The following FMN1 variants were observed in gnomAD, a reference collection of about 807,000 sequenced individuals.
FMN1 encodes the protein formin 1.
FMN1 carries 110 observed loss-of-function variants against 132.4 expected under a neutral mutation model. That is an observed-to-expected ratio of 0.83 (90% CI 0.71 to 0.97). The LOEUF is 0.97. Among genes scored for constraint, FMN1 ranks in the 50% least tolerant of loss-of-function variants. The pLI, the probability that FMN1 is intolerant of heterozygous loss-of-function variation, is 0.00. For missense variants in FMN1, 1,792 were observed against 1,705.3 expected, an observed-to-expected ratio of 1.05 and a Z score of -0.90; for synonymous variants, 722 against 651.7, an observed-to-expected ratio of 1.11 and a Z score of -1.64.
intron 9 of FMN1, among the ~76,000 whole-genome samples, chr15:32,945,679 A>C (rs1348396588): frequency 2.0e-5 from 3 of 152,134 alleles, no homozygotes; most frequent in Non-Finnish European, 4.4e-5. Flanking sequence ...CATTGCATTC[A>C]AGATATCAGA....
chr15:33,089,660 A>C (rs890179284), intron 4 of FMN1, among the ~76,000 whole-genome samples: 3 of 152,208 alleles, frequency 2.0e-5, no homozygotes, highest in Non-Finnish European at 4.4e-5. Flanking sequence ...TAGTGTTCTC[A>C]TTTTAAATGG....
chr15:33,151,120 C>T (rs969445611), intron 4 of FMN1: 2 of 1,409,094 alleles, frequency 1.4e-6, no homozygotes, highest in Non-Finnish European at 1.8e-6. Context: ...GGGAACTAGA[C>T]AGAGGATACA....
At chr15:32,828,931 T>C (rs762200284) in intron 17 of FMN1, among the ~76,000 whole-genome samples, 3 of 152,212 alleles carry the variant, frequency 2.0e-5, no homozygotes, top group Non-Finnish European at 4.4e-5. Context: ...TCCTGGTAGA[T>C]GACCTAAGGC....
In FMN1 at chr15:32,944,790, G is replaced by T. The variant is rs1007818908; in HGVS notation, c.3139-18529C>A. Among the ~76,000 whole-genome samples the T allele has an allele frequency of 3.9e-5, 6 of 152,222 alleles. 1 individual carries two copies. The East Asian group carries it at 1.2e-3, about 29-fold the overall frequency. The stretch of plus-strand genomic sequence containing the variant: ...CAGTGTGGGGGTGTGATGGGTTGGA[G>T]GGGGGAGGGTAGGGCTGTGGGCAGA... On this transcript the variant is annotated intron_variant, in intron 9 of 20. Transcript: ENST00000616417.
chr15:32,949,966 C>T (rs191240128), intron 9 of FMN1, among the ~76,000 whole-genome samples: 618 of 6,804 alleles, frequency 0.091, 121 homozygotes, highest in East Asian at 0.15. Flanking sequence ...TATATATATA[C>T]ACACATATAT....
At chr15:33,065,736 T>C (rs1384364138) in intron 5 of FMN1, among the ~76,000 whole-genome samples, 2 of 152,222 alleles carry the variant, frequency 1.3e-5, no homozygotes, top group Non-Finnish European at 2.9e-5. Flanking sequence ...AGTCATACAC[T>C]GAATTGATAT....
intron 4 of FMN1, among the ~76,000 whole-genome samples, chr15:33,089,334 C>T (rs2038821737): frequency 6.6e-6 from 1 of 152,196 alleles, no homozygotes. Context: ...TAAACAGCGT[C>T]ATCTGAGCCA....
intron 4 of FMN1, among the ~76,000 whole-genome samples, chr15:33,121,711 T>C (rs1595520142): frequency 6.6e-6 from 1 of 152,094 alleles, no homozygotes; most frequent in African/African-American, 2.4e-5. Flanking sequence ...GTATGTTTAG[T>C]AGAGACAAGA....
intron 19 of FMN1, among the ~76,000 whole-genome samples, chr15:32,792,316 A>G (rs563459043): frequency 1.5e-4 from 22 of 150,766 alleles, no homozygotes; most frequent in South Asian, 8.4e-4. Context: ...GTGGTGGCAG[A>G]CGCCTGTAGT....
chr15:32,838,021 G>A (rs970097478), intron 17 of FMN1, among the ~76,000 whole-genome samples: 1 of 152,148 alleles, frequency 6.6e-6, no homozygotes, highest in African/African-American at 2.4e-5. Context: ...AAGGTTTTAG[G>A]AGGCTGAGGT....
chr15:33,105,540 C>A (rs985512036), intron 4 of FMN1, among the ~76,000 whole-genome samples: 14 of 152,018 alleles, frequency 9.2e-5, no homozygotes, highest in Non-Finnish European at 1.6e-4. Flanking sequence ...TGCCTAAAGG[C>A]AAGGCTGACT....
intron 7 of FMN1, among the ~76,000 whole-genome samples, chr15:32,994,367 G>C (rs981455423): frequency 2.6e-5 from 4 of 151,996 alleles, no homozygotes; most frequent in Non-Finnish European, 4.4e-5. Context: ...CCTCTCTCCT[G>C]TTTTTCCTGT....
intron 17 of FMN1, among the ~76,000 whole-genome samples, chr15:32,808,832 T>C (rs2057770956): frequency 6.6e-6 from 1 of 152,198 alleles, no homozygotes; most frequent in South Asian, 2.1e-4. Context: ...ATGCTTTCTT[T>C]AGAATGTTCA....
At chr15:33,069,382 T>C (rs2037894444) in intron 5 of FMN1, among the ~76,000 whole-genome samples, 1 of 152,198 alleles carries the variant, frequency 6.6e-6, no homozygotes, top group Admixed American at 6.5e-5. Context: ...GACACTGTTC[T>C]GGTTGGAGAG....
At chr15:32,973,525 G>A (rs1308200129) in intron 7 of FMN1, among the ~76,000 whole-genome samples, 1 of 152,014 alleles carries the variant, frequency 6.6e-6, no homozygotes, top group African/African-American at 2.4e-5. Context: ...TGCAATGATA[G>A]TAAGAAATCT....
chr15:33,067,020 C>T lies in FMN1; in HGVS notation c.2044-1946G>A, dbSNP rs142673160. 1.5e-5 allele frequency: 24 copies of T among 1,614,008 alleles called. No individual in the cohort carries two copies. Among genetic ancestry groups the T allele is most frequent in the African/African-American group, 1.5e-4 (11 of 75,036 alleles). ...TCCGTGATGGTCTCTCCTCCCTCAG[C>T]GGTAGCCCCCTTCTTCAGCACACGA... On this transcript the variant is annotated intron_variant, in intron 5 of 20. Coordinates refer to ENST00000616417, the MANE Select transcript of FMN1 (RefSeq NM_001277313.2).
rs140250901 is a variant in FMN1, at chr15:33,008,916, G to A, written c.2162-841C>T. On this transcript the variant is annotated intron_variant, in intron 6 of 20. Coordinates refer to ENST00000616417, the MANE Select transcript of FMN1 (RefSeq NM_001277313.2). ...CAAATGTGTTTGGGGTCATGAGTAT[G>A]AGTAAGCAAGAAGCAGTTTGACCTC... 1.1e-3 allele frequency among the ~76,000 whole-genome samples: 160 copies of A among 152,290 alleles called. 1 individual carries two copies. The highest frequency in any genetic ancestry group is 3.9e-3 in the African/African-American group (160 of 41,554).
chr15:32,805,927 G>A (rs1428258473), intron 17 of FMN1, among the ~76,000 whole-genome samples: 2 of 152,160 alleles, frequency 1.3e-5, no homozygotes, highest in African/African-American at 4.8e-5. Context: ...TGAATCCACA[G>A]GTTAAGAACC....
rs917836929 is a variant in FMN1 at position 32,767,754 on chromosome 15, T to C, written c.*6556A>G. ...CAGAATTGCACAATTATAAATTTAATAATTTTGGAGTAGACCTATCCCTTA... is the reference window on the plus strand; with the variant it reads ...CAGAATTGCACAATTATAAATTTAACAATTTTGGAGTAGACCTATCCCTTA... On this transcript the variant is annotated 3_prime_UTR_variant, in exon 21 of 21. Coordinates refer to ENST00000616417, the MANE Select transcript of FMN1 (RefSeq NM_001277313.2). The C allele has an allele frequency of 6.6e-6, 1 of 152,234 alleles. No homozygotes were observed. The highest frequency in any genetic ancestry group is 2.4e-5 in the African/African-American group (1 of 41,464). The allele number at this position is 152,234 out of a possible 1,614,324, so 9.4% of individuals were successfully genotyped here. A position where few individuals can be genotyped will look rare whatever the true frequency, so the allele number is the denominator to read the frequency against.
Sources: allele counts gnomAD v4.1 joint callset (sites outside exome capture counted in the v4.1 genomes callset), GRCh38; gene constraint gnomAD v4.1.1; transcripts MANE v1.5; gene names NCBI Gene and HGNC (gene_info 2026-07-23, HGNC 2026-07-21).